Variants in ME1 observed in about 807,000 individuals in gnomAD.
ME1 encodes the protein malic enzyme 1.
Under a neutral mutation model 66.4 loss-of-function variants are expected in ME1, and 74 were observed. The ratio of observed to expected loss-of-function variants is 1.11; its 90% CI spans 0.92 to 1.35. The LOEUF is 1.35. Ranked by LOEUF, ME1 falls within the 40% of genes most tolerant of loss-of-function variation. The pLI is 0.00. For synonymous variants in ME1, 251 were observed against 235.6 expected, an observed-to-expected ratio of 1.07 and a Z score of -0.60; for missense variants, 750 against 694.1, an observed-to-expected ratio of 1.08 and a Z score of -0.90.
At chr6:83,305,488 A>C (rs778429860) in intron 6 of ME1, among the ~76,000 whole-genome samples, 1 of 152,206 alleles carries the variant, frequency 6.6e-6, no homozygotes, top group African/African-American at 2.4e-5. Flanking sequence ...AAAAAGATTA[A>C]GTTTTTAACC....
At chr6:83,310,332 G>A (rs1013963712) in intron 6 of ME1, among the ~76,000 whole-genome samples, 4 of 152,130 alleles carry the variant, frequency 2.6e-5, no homozygotes, top group South Asian at 4.1e-4. Flanking sequence ...AGTTCCCCAC[G>A]GGATCAGGGA....
chr6:83,354,712 A>G (rs1255489370), intron 3 of ME1, among the ~76,000 whole-genome samples: 1 of 152,184 alleles, frequency 6.6e-6, no homozygotes, highest in African/African-American at 2.4e-5. Flanking sequence ...CTTCCCTGGC[A>G]TCATCACCCA....
intron 8 of ME1, 93 bp from the exon 9 acceptor site, chr6:83,237,923 C>A (rs1790446358): frequency 3.4e-6 from 2 of 591,122 alleles, no homozygotes; most frequent in Non-Finnish European, 5.7e-6. Context: ...TTAGTGGGAA[C>A]AAAATATTTT....
intron 3 of ME1, among the ~76,000 whole-genome samples, chr6:83,354,381 C>T (rs911907803): frequency 2.0e-5 from 3 of 152,218 alleles, no homozygotes; most frequent in Non-Finnish European, 4.4e-5. Flanking sequence ...ATCCGCCTGC[C>T]TCAGCTTCCC....
intron 3 of ME1, among the ~76,000 whole-genome samples, chr6:83,365,187 G>T (rs1366079982): frequency 1.3e-5 from 2 of 152,144 alleles, no homozygotes; most frequent in Non-Finnish European, 2.9e-5. Flanking sequence ...CCACCTCCCG[G>T]GTTCAACCAA....
chr6:83,238,422 A>G (rs1319513871), intron 8 of ME1, among the ~76,000 whole-genome samples: 2 of 152,128 alleles, frequency 1.3e-5, no homozygotes, highest in African/African-American at 2.4e-5. Context: ...CTAGTTTTGA[A>G]TCATCCAACC....
At chr6:83,393,200 A>T in intron 3 of ME1, 1 of 1,201,380 alleles carries the variant, frequency 8.3e-7, no homozygotes. Flanking sequence ...AGCAGGCGTC[A>T]GAGGACCCCC....
chr6:83,427,483 T>C (rs12194258), intron 1 of ME1, among the ~76,000 whole-genome samples: 47,189 of 152,036 alleles, frequency 0.31, 7,719 homozygotes, highest in Middle Eastern at 0.48. Context: ...GCATACTATA[T>C]AATGGCATAG....
intron 6 of ME1, among the ~76,000 whole-genome samples, chr6:83,298,297 G>T (rs1001829316): frequency 6.6e-6 from 1 of 152,040 alleles, no homozygotes; most frequent in South Asian, 2.1e-4. Flanking sequence ...TTTGATTTGC[G>T]TTTCTCTAAC....
chr6:83,401,673 G>A (rs1191265381), intron 2 of ME1, among the ~76,000 whole-genome samples: 7 of 152,216 alleles, frequency 4.6e-5, no homozygotes, highest in Admixed American at 3.9e-4. Flanking sequence ...CATCCACTGG[G>A]CTCATGAACA....
chr6:83,379,201 ATAAGTCACAAGC>A (rs1218827188), intron 3 of ME1, among the ~76,000 whole-genome samples: 1 of 152,136 alleles, frequency 6.6e-6, no homozygotes, highest in African/African-American at 2.4e-5. Flanking sequence ...TAACTGCAAG[ATAAGTCACAAGC>A]TAAATTTGGT....
At chr6:83,216,743 C>T (rs997532947) in intron 12 of ME1, 147 bp from the exon 13 acceptor site, 2 of 555,530 alleles carry the variant, frequency 3.6e-6, no homozygotes, top group African/African-American at 3.9e-5. Context: ...ATCCCCACTT[C>T]TATCAACAAA....
intron 7 of ME1, among the ~76,000 whole-genome samples, chr6:83,242,825 C>T (rs987393586): frequency 1.3e-5 from 2 of 152,086 alleles, no homozygotes; most frequent in African/African-American, 4.8e-5. Flanking sequence ...CTTGAGAAAG[C>T]TGAATTGTTG....
At chr6:83,301,589 C>T (rs367957467) in intron 6 of ME1, among the ~76,000 whole-genome samples, 211 of 152,186 alleles carry the variant, frequency 1.4e-3, no homozygotes, top group African/African-American at 5.0e-3. Flanking sequence ...GTGATCCACC[C>T]ACCTCGGCCT....
intron 6 of ME1, among the ~76,000 whole-genome samples, chr6:83,268,676 C>T (rs1244327006): frequency 1.3e-5 from 2 of 151,856 alleles, no homozygotes; most frequent in Admixed American, 1.3e-4. Context: ...AGCGATCCTC[C>T]AGCCTTAGCC....
chr6:83,412,155 C>A (rs1770062086), intron 1 of ME1, among the ~76,000 whole-genome samples: 2 of 152,102 alleles, frequency 1.3e-5, no homozygotes, highest in South Asian at 4.1e-4. Flanking sequence ...CAAATATATT[C>A]TGTATTCCGC....
intron 5 of ME1, among the ~76,000 whole-genome samples, chr6:83,318,488 C>T (rs1201096947): frequency 6.5e-4 from 72 of 111,336 alleles, no homozygotes; most frequent in African/African-American, 1.3e-3. Flanking sequence ...AAAAAGTGGG[C>T]GAAGGATATG....
intron 1 of ME1, among the ~76,000 whole-genome samples, chr6:83,429,270 A>G (rs1218876862): frequency 6.9e-6 from 1 of 144,056 alleles, no homozygotes; most frequent in Non-Finnish European, 1.5e-5. Context: ...CTCAAATAAT[A>G]ATAATAATAA....
chr6:83,377,204 T>G (rs962759689), intron 3 of ME1, among the ~76,000 whole-genome samples: 3 of 152,236 alleles, frequency 2.0e-5, no homozygotes, highest in African/African-American at 7.2e-5. Flanking sequence ...GTGATGATTA[T>G]GATGATGGGG....
Sources: allele counts gnomAD v4.1 joint callset (sites outside exome capture counted in the v4.1 genomes callset), GRCh38; gene constraint gnomAD v4.1.1; transcripts MANE v1.5; gene names NCBI Gene and HGNC (gene_info 2026-07-23, HGNC 2026-07-21).